EYS: variants seen among roughly 807,000 people sequenced by gnomAD.
The protein encoded by EYS is EGF-like photoreceptor maintenance factor.
Under a neutral mutation model 282.1 loss-of-function variants are expected in EYS, and 250 were observed. The ratio of observed to expected loss-of-function variants is 0.89; its 90% confidence interval spans 0.80 to 0.98. The LOEUF (loss-of-function observed/expected upper bound fraction) is 0.98, where lower values mean the gene tolerates loss of function less well. Ranked by LOEUF, EYS falls within the 50% of genes least tolerant of loss-of-function variation. EYS has a pLI of 0.00. For missense variants in EYS, 4,016 were observed against 3,709.0 expected (o/e 1.08, Z -2.15); for synonymous variants, 1,355 against 1,282.9 (o/e 1.06, Z -1.20).
intron 24 of EYS, among the ~76,000 whole-genome samples, chr6:64,597,174 T>C (rs1029584172): frequency 6.6e-6 from 1 of 152,102 alleles, no homozygotes; most frequent in African/African-American, 2.4e-5. Context: ...GATATTATCT[T>C]ACATTAGTTA....
intron 9 of EYS, 75 bp from the exon 10 acceptor site, chr6:65,344,252 G>T: frequency 8.3e-7 from 1 of 1,204,832 alleles, no homozygotes; most frequent in Non-Finnish European, 1.2e-6. Context: ...TAAGGACTGT[G>T]GTCAAATTAC....
chr6:65,443,305 T>A (rs540928707), intron 5 of EYS, among the ~76,000 whole-genome samples: 4 of 125,296 alleles, frequency 3.2e-5, no homozygotes, highest in Admixed American at 8.9e-5. Context: ...CATACATGTG[T>A]GTACACATAT....
At chr6:64,878,837 T>C (rs1583251707) in intron 19 of EYS, among the ~76,000 whole-genome samples, 1 of 152,224 alleles carries the variant, frequency 6.6e-6, no homozygotes, top group East Asian at 1.9e-4. Context: ...TGTATTTTCC[T>C]ACTCACCTCT....
At chr6:65,181,048 A>C (rs1189591510) in intron 12 of EYS, among the ~76,000 whole-genome samples, 4 of 152,156 alleles carry the variant, frequency 2.6e-5, no homozygotes, top group Non-Finnish European at 5.9e-5. Context: ...CCTCATACAA[A>C]AATTAATTCA....
chr6:63,726,548 T>C lies in EYS; in HGVS notation c.8204A>G (p.Tyr2735Cys). The C allele has an allele frequency of 6.4e-7, 1 of 1,551,272 alleles. No homozygotes were observed. Reference sequence around the variant, plus strand: ...TTGGGCTTTTAAGTGTTGTGCAGCATAAAATAGGATACCATCTGCAGCGAG... The same window carrying C: ...TTGGGCTTTTAAGTGTTGTGCAGCACAAAATAGGATACCATCTGCAGCGAG... ...QPLAADGILF[Y>C]AAQHLKAQSG... Residue 2735 changes from tyrosine to cysteine, a missense_variant, in exon 42 of 43, where the codon TAT (tyrosine) becomes TGT (cysteine). By Grantham distance (194) the Tyr-to-Cys change is radical. Coordinates refer to ENST00000503581, the MANE Select transcript of EYS (RefSeq NM_001142800.2).
In EYS at chr6:64,406,821, T is replaced by A. The variant is rs1773727573; in HGVS notation, c.5928-17981A>T. ...AGGAAACAACAGATGTTGGAGAGGATGTGGAGAAATAGGAATGCTTTTACA... is the reference window on the plus strand; with the variant it reads ...AGGAAACAACAGATGTTGGAGAGGAAGTGGAGAAATAGGAATGCTTTTACA... On this transcript the variant is annotated intron_variant, in intron 28 of 42. Transcript: ENST00000503581. Among the ~76,000 whole-genome samples, 4 of 152,270 alleles carry A rather than the reference T, an allele frequency of 2.6e-5. No individual in the cohort carries two copies. In the South Asian group the frequency reaches 8.3e-4, roughly 32 times the overall value.
At chr6:64,451,622 C>A (rs1007409397) in intron 26 of EYS, among the ~76,000 whole-genome samples, 1 of 152,152 alleles carries the variant, frequency 6.6e-6, no homozygotes, top group African/African-American at 2.4e-5. Context: ...AAAATACTGG[C>A]AAACCGAATC....
In EYS at chr6:65,335,042, A is replaced by G. The variant is rs767426811; in HGVS notation, c.1704T>C (p.Thr568=). 1.9e-6 allele frequency: 3 copies of G among 1,611,554 alleles called. No individual in the cohort carries two copies. Among genetic ancestry groups the G allele is most frequent in the Non-Finnish European group, 8.5e-7 (1 of 1,178,448 alleles). Residue 568 remains threonine (T), a synonymous_variant, in exon 11 of 43, where the codon ACT becomes ACC. Transcript: ENST00000503581. Reference sequence around the variant, plus strand: ...GTTGACACTCATTTTCTTGATCATCAGTTGTATTTTCCAGATACATGTTGC... The same window carrying G: ...GTTGACACTCATTTTCTTGATCATCGGTTGTATTTTCCAGATACATGTTGC... ...WAGNMYLENT[T]DDQENECQHE... is the part of the protein sequence containing the mutation.
intron 6 of EYS, among the ~76,000 whole-genome samples, chr6:65,403,595 T>C (rs549785772): frequency 3.6e-4 from 55 of 152,042 alleles, no homozygotes; most frequent in Non-Finnish European, 6.6e-4. Context: ...CCCAACCTCA[T>C]ACATGGTAGC....
intron 2 of EYS, among the ~76,000 whole-genome samples, chr6:65,637,528 G>A (rs1767131720): frequency 6.6e-6 from 1 of 152,136 alleles, no homozygotes; most frequent in South Asian, 2.1e-4. Context: ...CGTGCTCCCT[G>A]GCACAGCTGC....
intron 31 of EYS, among the ~76,000 whole-genome samples, chr6:64,102,112 A>G (rs1350369511): frequency 6.6e-6 from 1 of 152,112 alleles, no homozygotes; most frequent in Non-Finnish European, 1.5e-5. Context: ...CACTGATACC[A>G]TGGCCCGGGT....
At chr6:65,415,868 C>T (rs1767212171) in intron 5 of EYS, among the ~76,000 whole-genome samples, 1 of 152,024 alleles carries the variant, frequency 6.6e-6, no homozygotes. Context: ...TGGGCAGTGT[C>T]TACGAACTCC....
intron 36 of EYS, among the ~76,000 whole-genome samples, chr6:63,835,537 T>C (rs1771782889): frequency 6.6e-6 from 1 of 151,990 alleles, no homozygotes; most frequent in East Asian, 1.9e-4. Context: ...GTTATGAAGA[T>C]GCAAAGGGAT....
chr6:64,109,980 C>T (rs1222420074), intron 31 of EYS, among the ~76,000 whole-genome samples: 1 of 152,038 alleles, frequency 6.6e-6, no homozygotes, highest in Non-Finnish European at 1.5e-5. Flanking sequence ...TAGAAGAGTG[C>T]TTCCAAAGAA....
intron 8 of EYS, among the ~76,000 whole-genome samples, chr6:65,365,014 T>G (rs1345250966): frequency 6.6e-6 from 1 of 151,638 alleles, no homozygotes; most frequent in Non-Finnish European, 1.5e-5. Context: ...TCAAAAGGAT[T>G]TTTTTGTGAG....
intron 26 of EYS, among the ~76,000 whole-genome samples, chr6:64,526,166 T>C (rs1777912362): frequency 6.6e-6 from 1 of 151,772 alleles, no homozygotes; most frequent in African/African-American, 2.4e-5. Context: ...AGAATAGTGA[T>C]TGCCAGGGTT....
chr6:64,834,889 A>G (rs1765335005), intron 19 of EYS, among the ~76,000 whole-genome samples: 1 of 151,800 alleles, frequency 6.6e-6, no homozygotes, highest in Non-Finnish European at 1.5e-5. Flanking sequence ...AACCACAGGA[A>G]ATAGATAAGG....
At position 64,590,744 on chromosome 6, in the gene EYS, C is replaced by T; in HGVS notation, c.5123G>A (p.Gly1708Asp). Reference protein sequence around the residue: ...ILKLLKIRQYGITMGPTEVLN... With the variant: ...ILKLLKIRQYDITMGPTEVLN... ...TACCTCAGTGGGTCCCATAGTTATG[C>T]CATATTGTCTTATTTTCAATAGTTT... Residue 1708 changes from glycine to aspartate, a missense_variant, in exon 26 of 43, where the codon GGC becomes GAC. Coordinates refer to ENST00000503581, the MANE Select transcript of EYS (RefSeq NM_001142800.2). 1 of 1,550,918 alleles carries T rather than the reference C, an allele frequency of 6.4e-7. No individual in the cohort carries two copies. Among genetic ancestry groups the T allele is most frequent in the Non-Finnish European group, 8.7e-7 (1 of 1,146,494 alleles).
chr6:63,826,818 T>A, intron 36 of EYS, among the ~76,000 whole-genome samples: 2 of 85,934 alleles, frequency 2.3e-5, no homozygotes, highest in South Asian at 3.3e-4. Flanking sequence ...ACAGAGGATC[T>A]ATAAAACAAA....
Sources: allele counts gnomAD v4.1 joint callset (sites outside exome capture counted in the v4.1 genomes callset), GRCh38; gene constraint gnomAD v4.1.1; transcripts MANE v1.5; gene names NCBI Gene and HGNC (gene_info 2026-07-23, HGNC 2026-07-21).